Variants in FAM149A observed in about 807,000 individuals in gnomAD.
The protein encoded by FAM149A is family with sequence similarity 149 member A.
Under a neutral mutation model 78.2 loss-of-function variants are expected in FAM149A, and 71 were observed. The observed-to-expected ratio is 0.91, with a 90% confidence interval of 0.75 to 1.11. FAM149A has a LOEUF of 1.11. FAM149A is among the 50% of genes least tolerant of loss of function. The pLI, the probability that FAM149A is intolerant of heterozygous loss-of-function variation, is 0.00. For synonymous variants in FAM149A, 446 were observed against 410.5 expected (o/e 1.09, Z -1.04); for missense variants, 1,036 against 971.0 (o/e 1.07, Z -0.89).
chr4:186,156,036 C>G lies in FAM149A; in HGVS notation c.1266C>G (p.Pro422=), dbSNP rs768225420. Residue 422 remains proline (P), a synonymous_variant, in exon 7 of 14, where the codon CCC becomes CCG. Coordinates refer to ENST00000389354, the MANE Select transcript of FAM149A (RefSeq NM_001367768.3). ...GTCTTGAACAAAAACCAGCTCAGCC[C>G]GGTAGGAAATGGCGCAAACTCGGAC... The G allele has an allele frequency of 2.5e-6, 4 of 1,613,656 alleles. No individual in the cohort carries two copies. The highest frequency in any genetic ancestry group is 2.7e-5 in the African/African-American group (2 of 74,996).
chr4:186,119,168 G>A (rs2099314960), intron 1 of FAM149A, among the ~76,000 whole-genome samples: 1 of 152,054 alleles, frequency 6.6e-6, no homozygotes, highest in African/African-American at 2.4e-5. Context: ...CAATTCATAG[G>A]CAAAAATTTC....
chr4:186,167,666 C>G, intron 13 of FAM149A: 1 of 306,514 alleles, frequency 3.3e-6, no homozygotes, highest in Non-Finnish European at 6.4e-6. Context: ...CACAGATTTG[C>G]TAATTACTTT....
At chr4:186,145,371 C>T (rs1392137378) in intron 1 of FAM149A, among the ~76,000 whole-genome samples, 1 of 152,170 alleles carries the variant, frequency 6.6e-6, no homozygotes, top group Non-Finnish European at 1.5e-5. Flanking sequence ...AGCGGCTTCC[C>T]ATGGCCACCC....
intron 1 of FAM149A, among the ~76,000 whole-genome samples, chr4:186,137,362 G>A (rs1163469540): frequency 6.6e-6 from 1 of 151,968 alleles, no homozygotes; most frequent in Non-Finnish European, 1.5e-5. Flanking sequence ...GGCTCTAAGT[G>A]CTGGTCAGAG....
At position 186,125,262 on chromosome 4, in the gene FAM149A, CTTG is replaced by C. The variant is rs900097061; in HGVS notation, c.566+19626_566+19628del. 26 of 985,234 alleles carry C rather than the reference CTTG, an allele frequency of 2.6e-5. No homozygotes were observed. The African/African-American group carries it at 3.8e-4, about 15-fold the overall frequency. The allele number at this position is 985,234 out of a possible 1,614,324, so 61.0% of individuals were successfully genotyped here. On this transcript the variant is annotated intron_variant, in intron 1 of 13. Transcript: ENST00000389354. Reference sequence around the variant, plus strand: ...GTAATGATGCAGTTCAGGCCCTCAGCTTGTTGTTTTGTGATATGTGCCAGCCAC... The same window carrying C: ...GTAATGATGCAGTTCAGGCCCTCAGCTTGTTTTGTGATATGTGCCAGCCAC...
intron 1 of FAM149A, among the ~76,000 whole-genome samples, chr4:186,137,952 A>C (rs2099324189): frequency 6.6e-6 from 1 of 152,138 alleles, no homozygotes; most frequent in Non-Finnish European, 1.5e-5. Context: ...TTCCCATTAA[A>C]ATAATAAAAC....
intron 8 of FAM149A, among the ~76,000 whole-genome samples, chr4:186,161,347 G>C (rs954981177): frequency 6.6e-6 from 1 of 152,290 alleles, no homozygotes; most frequent in African/African-American, 2.4e-5. Context: ...AGACTGAAGG[G>C]ACACAGGCCT....
chr4:186,142,221 G>T (rs894138379), intron 1 of FAM149A, among the ~76,000 whole-genome samples: 2 of 152,218 alleles, frequency 1.3e-5, no homozygotes, highest in East Asian at 3.9e-4. Context: ...CACCTCTCTT[G>T]TTGGACAGGT....
rs1354928605 is a variant in FAM149A at position 186,105,409 on chromosome 4, C to A, written c.333C>A (p.Pro111=). The A allele has an allele frequency of 2.5e-6, 3 of 1,186,670 alleles. No homozygotes were observed. The highest frequency in any genetic ancestry group is 3.2e-6 in the Non-Finnish European group (3 of 946,256). 73.5% of individuals were successfully genotyped at this position (1,186,670 alleles called of 1,614,324 possible). A position where few individuals can be genotyped will look rare whatever the true frequency, so the allele number is the denominator to read the frequency against. ...CGGGTAAAGCCCCGCCCCAGCCCCC[C>A]ACTCCCTCCGGCGGGGGCTGCTCCC... The change falls in exon 1 of 14, where the codon CCC becomes CCA. Residue 111 remains proline, a synonymous_variant. Transcript: ENST00000389354.
intron 1 of FAM149A, among the ~76,000 whole-genome samples, chr4:186,141,191 G>A (rs2099325634): frequency 6.6e-6 from 1 of 152,000 alleles, no homozygotes; most frequent in Non-Finnish European, 1.5e-5. Context: ...TTTATGGGTT[G>A]TTTTTTTCTT....
chr4:186,154,989 G>A (rs553841254), intron 6 of FAM149A: 2 of 964,964 alleles, frequency 2.1e-6, no homozygotes, highest in South Asian at 9.6e-5. Context: ...TTGAGACGGA[G>A]TCTCGCTCTG....
chr4:186,147,176 A>T (rs556501514), intron 1 of FAM149A, among the ~76,000 whole-genome samples: 1 of 152,312 alleles, frequency 6.6e-6, no homozygotes, highest in Admixed American at 6.5e-5. Context: ...TGAGCCCAAG[A>T]GTTCAAGACC....
chr4:186,151,813 G>A, intron 3 of FAM149A, 90 bp from the exon 4 acceptor site: 1 of 1,531,158 alleles, frequency 6.5e-7, no homozygotes, highest in South Asian at 1.2e-5. Context: ...CCTACATAGT[G>A]GGTGACAGTA....
intron 1 of FAM149A, among the ~76,000 whole-genome samples, chr4:186,111,919 C>G (rs2150079764): frequency 6.6e-6 from 1 of 151,686 alleles, no homozygotes; most frequent in East Asian, 1.9e-4. Context: ...GTAGTTTTTT[C>G]CAATTCTGTG....
chr4:186,170,305 T>C (rs1388667244), intron 13 of FAM149A, among the ~76,000 whole-genome samples: 1 of 152,344 alleles, frequency 6.6e-6, no homozygotes, highest in East Asian at 1.9e-4. Flanking sequence ...CCTGTGGGTC[T>C]CAGCTTCCAT....
chr4:186,104,754 C>CGGCGGGCGGCGGGCGTCTGG lies in FAM149A; in HGVS notation c.-310_-291dup, dbSNP rs1374996512. ...GAACGTAGCAACCGCGGGCGGCGGG[C>CGGCGGGCGGCGGGCGTCTGG]GGCGGGCGGCGGGCGTCTGGGGCGG... On this transcript the variant is annotated 5_prime_UTR_variant, in exon 1 of 14. Transcript: ENST00000389354. 7.7e-4 allele frequency among the ~76,000 whole-genome samples: 80 copies of CGGCGGGCGGCGGGCGTCTGG among 103,306 alleles called. No individual in the cohort carries two copies. The highest frequency in any genetic ancestry group is 5.3e-4 in the Admixed American group (5 of 9,446). 67.8% of individuals were successfully genotyped at this position (103,306 alleles called of 152,430 possible).
chr4:186,144,148 C>T lies in FAM149A; in HGVS notation c.567-5025C>T, dbSNP rs193111159. ...TCAAAAATGTAGTTCACCTCCGCGACCTCACCCCTTCTTCCCTTAGCATGT... is the reference window on the plus strand; with the variant it reads ...TCAAAAATGTAGTTCACCTCCGCGATCTCACCCCTTCTTCCCTTAGCATGT... On this transcript the variant is annotated intron_variant, in intron 1 of 13. Coordinates refer to ENST00000389354, the MANE Select transcript of FAM149A (RefSeq NM_001367768.3). This position sits in a 1 kb window ranked among gnomAD's most constrained non-coding sequence, Gnocchi z 4.2. 6.6e-6 allele frequency: 1 copy of T among 152,392 alleles called. No individual in the cohort carries two copies. The highest frequency in any genetic ancestry group is 1.9e-4 in the East Asian group (1 of 5,170). The allele number at this position is 152,392 out of a possible 1,614,324, so 9.4% of individuals were successfully genotyped here. A position where few individuals can be genotyped will look rare whatever the true frequency, so the allele number is the denominator to read the frequency against.
intron 1 of FAM149A, among the ~76,000 whole-genome samples, chr4:186,138,142 A>G (rs1388837210): frequency 1.3e-5 from 2 of 152,194 alleles, no homozygotes; most frequent in African/African-American, 4.8e-5. Context: ...AACCAGTATC[A>G]ATCCGTTACC....
At position 186,144,868 on chromosome 4, in the gene FAM149A, T is replaced by A; in HGVS notation, c.567-4305T>A. 1.0e-6 allele frequency: 1 copy of A among 970,186 alleles called. No individual in the cohort carries two copies. Among genetic ancestry groups the A allele is most frequent in the Non-Finnish European group, 1.2e-6 (1 of 825,836 alleles). 60.1% of individuals were successfully genotyped at this position (970,186 alleles called of 1,614,324 possible). On this transcript the variant is annotated intron_variant, in intron 1 of 13. Transcript: ENST00000389354. This position sits in a 1 kb window ranked among gnomAD's most constrained non-coding sequence, Gnocchi z 4.2. ...GGAGGATCTGGAGAGGGAAGGGGCG[T>A]GCGAGCCCCGCGGACCCCGGGCGCG...
Sources: gnomAD v4.1 joint callset for allele counts (sites outside exome capture counted in the v4.1 genomes callset) on GRCh38, gnomAD v4.1.1 for gene constraint, Gnocchi (gnomAD v3.1) non-coding constraint, MANE v1.5 for transcripts, NCBI Gene and HGNC (gene_info 2026-07-23, HGNC 2026-07-21) for gene names.